HDGFL3: variants seen among roughly 807,000 people sequenced by gnomAD.
HDGFL3 encodes the protein HDGF like 3, also known as hepatoma-derived growth factor-related protein 3.
Under a neutral mutation model 27.6 loss-of-function variants are expected in HDGFL3, and 6 were observed. The observed-to-expected ratio is 0.22, with a 90% CI of 0.12 to 0.43. The LOEUF is 0.43. HDGFL3 is among the 20% of genes least tolerant of loss of function. HDGFL3 has a pLI of 1.00. For missense variants in HDGFL3, 207 were observed against 250.1 expected (o/e 0.83, Z 1.16); for synonymous variants, 88 against 88.9 (o/e 0.99, Z 0.05).
chr15:83,124,144 T>C (rs1168851461), downstream of HDGFL3, among the ~76,000 whole-genome samples: 1 of 152,140 alleles, frequency 6.6e-6, no homozygotes, highest in African/African-American at 2.4e-5. Context: ...TTGAGAAAAT[T>C]TTTAAACATG....
chr15:83,117,223 A>G (rs773439689), intron 3 of HDGFL3, among the ~76,000 whole-genome samples: 7 of 152,126 alleles, frequency 4.6e-5, no homozygotes, highest in Non-Finnish European at 8.8e-5. Context: ...AAAGGCTTGG[A>G]GAGGAGAAAG....
chr15:83,145,691 A>G (rs2036875026), intron 5 of HDGFL3, among the ~76,000 whole-genome samples: 1 of 152,022 alleles, frequency 6.6e-6, no homozygotes, highest in Non-Finnish European at 1.5e-5. Context: ...CTTACTCTTT[A>G]AAGATTTCAC....
At chr15:83,178,628 C>T (rs1365163676) in intron 1 of HDGFL3, among the ~76,000 whole-genome samples, 1 of 151,884 alleles carries the variant, frequency 6.6e-6, no homozygotes, top group South Asian at 2.1e-4. Flanking sequence ...TGCATTCCAG[C>T]CTGGGTGACA....
chr15:83,119,844 C>G (rs1210161597), intron 3 of HDGFL3: 4 of 1,102,348 alleles, frequency 3.6e-6, no homozygotes, highest in Non-Finnish European at 5.0e-6. Context: ...CCTTGTACCA[C>G]TGCCTTTTGA....
chr15:83,115,796 A>AT (rs1175844614), intron 3 of HDGFL3: 7 of 1,240,546 alleles, frequency 5.6e-6, no homozygotes, highest in Non-Finnish European at 8.3e-6. Flanking sequence ...GCTTGTAGTA[A>AT]TTGTCTCCTG....
At chr15:83,118,800 G>A (rs1291242739) in intron 3 of HDGFL3, among the ~76,000 whole-genome samples, 2 of 152,150 alleles carry the variant, frequency 1.3e-5, no homozygotes, top group African/African-American at 2.4e-5. Context: ...AAAAATGCAC[G>A]GAAAATTGAT....
At chr15:83,154,133 G>A (rs2036997589) in intron 4 of HDGFL3, among the ~76,000 whole-genome samples, 1 of 149,404 alleles carries the variant, frequency 6.7e-6, no homozygotes, top group Non-Finnish European at 1.5e-5. Context: ...TGGGCAACAT[G>A]ATAAAATCCG....
intron 1 of HDGFL3, among the ~76,000 whole-genome samples, chr15:83,196,702 A>T (rs1472065403): frequency 6.6e-6 from 1 of 152,192 alleles, no homozygotes; most frequent in African/African-American, 2.4e-5. Context: ...TGAAGATGAG[A>T]TCAGAAATTA....
rs2036698573 is a variant in HDGFL3, at chr15:83,138,424, T to C, written c.*846A>G. The C allele has an allele frequency of 6.6e-6, 1 of 152,404 alleles. No individual in the cohort carries two copies. 9.4% of individuals were successfully genotyped at this position (152,404 alleles called of 1,614,324 possible). A position where few individuals can be genotyped will look rare whatever the true frequency, so the allele number is the denominator to read the frequency against. The stretch of plus-strand genomic sequence containing the variant: ...CACATAATAATGGTTTAAGGATGAA[T>C]ATTAACTATTCTAATTGTAGTTCCA... On this transcript the variant is annotated 3_prime_UTR_variant, in exon 6 of 6. Coordinates refer to ENST00000299633, the MANE Select transcript of HDGFL3 (RefSeq NM_016073.4).
rs2036434478 is a variant in HDGFL3, at chr15:83,133,875, G to A, written c.*5395C>T. The A allele has an allele frequency of 6.6e-6, 1 of 152,234 alleles. No homozygotes were observed. The highest frequency in any genetic ancestry group is 2.1e-4 in the South Asian group (1 of 4,828). 9.4% of individuals were successfully genotyped at this position (152,234 alleles called of 1,614,324 possible). ...TGCCTTAGGAGAAAGCTATGGTCAG[G>A]TGCTCACTCAGCTGGAAGTGTGGCC... On this transcript the variant is annotated 3_prime_UTR_variant, in exon 6 of 6. Coordinates refer to ENST00000299633, the MANE Select transcript of HDGFL3 (RefSeq NM_016073.4).
chr15:83,136,746 C>T lies in HDGFL3; in HGVS notation c.*2524G>A. 7.8e-7 allele frequency: 1 copy of T among 1,286,542 alleles called. No individual in the cohort carries two copies. The highest frequency in any genetic ancestry group is 1.1e-6 in the Non-Finnish European group (1 of 922,560). The allele number at this position is 1,286,542 out of a possible 1,614,324, so 79.7% of individuals were successfully genotyped here. A position where few individuals can be genotyped will look rare whatever the true frequency, so the allele number is the denominator to read the frequency against. ...CTGGTACTGATATTTTGTCCCATTT[C>T]ACTCTCTTCTCATACGTGAGTACTT... On this transcript the variant is annotated 3_prime_UTR_variant, in exon 6 of 6. Transcript: ENST00000299633.
At chr15:83,206,165 A>G (rs1488461792) in intron 1 of HDGFL3, among the ~76,000 whole-genome samples, 1 of 152,182 alleles carries the variant, frequency 6.6e-6, no homozygotes, top group Non-Finnish European at 1.5e-5. Context: ...CATTACTTCA[A>G]CTTCACTAAA....
At chr15:83,175,923 A>G (rs1596559484) in intron 1 of HDGFL3, among the ~76,000 whole-genome samples, 1 of 152,162 alleles carries the variant, frequency 6.6e-6, no homozygotes, top group Admixed American at 6.5e-5. Context: ...AACACCCAAC[A>G]CTGGACAGAT....
chr15:83,125,697 G>A (rs980280077), downstream of HDGFL3, among the ~76,000 whole-genome samples: 4 of 152,166 alleles, frequency 2.6e-5, no homozygotes, highest in Admixed American at 6.5e-5. Context: ...ATTTCTATTC[G>A]AAGCCTGTTG....
chr15:83,153,713 T>C (rs1008840753), intron 4 of HDGFL3, among the ~76,000 whole-genome samples: 7 of 152,204 alleles, frequency 4.6e-5, no homozygotes, highest in African/African-American at 1.4e-4. Flanking sequence ...TTAGTCCTAT[T>C]GTAAATAGTA....
chr15:83,127,298 T>C (rs1375400822), downstream of HDGFL3: 469 of 1,487,940 alleles, frequency 3.2e-4, 3 homozygotes, highest in Non-Finnish European at 2.5e-5. Context: ...TTTTGTACTT[T>C]TTAGTCAGGC....
chr15:83,181,826 C>T (rs79475224), intron 1 of HDGFL3, among the ~76,000 whole-genome samples: 210 of 152,232 alleles, frequency 1.4e-3, no homozygotes, highest in African/African-American at 4.7e-3. Context: ...ATTCCCCCAA[C>T]GCTGCACCCT....
At chr15:83,127,285 C>CT, downstream of HDGFL3, 2 of 1,410,012 alleles carry the variant, frequency 1.4e-6, no homozygotes, top group Admixed American at 2.7e-5. Context: ...AAAATGTTTA[C>CT]TTTTTTGTAC....
chr15:83,175,664 C>G (rs1468908574), intron 1 of HDGFL3, among the ~76,000 whole-genome samples: 1 of 152,156 alleles, frequency 6.6e-6, no homozygotes, highest in Non-Finnish European at 1.5e-5. Flanking sequence ...TCGAGACCAT[C>G]CTGGCTAACA....
Sources: allele counts gnomAD v4.1 joint callset (sites outside exome capture counted in the v4.1 genomes callset), GRCh38; gene constraint gnomAD v4.1.1; transcripts MANE v1.5; gene names NCBI Gene and HGNC (gene_info 2026-07-23, HGNC 2026-07-21).